Variants in MTFR1 observed in about 807,000 individuals in gnomAD.
MTFR1 encodes chondrocyte protein with a poly-proline region.
In MTFR1, 28 loss-of-function variants were observed where a neutral mutation model predicts 38.8. The observed-to-expected ratio is 0.72, with a 90% CI of 0.53 to 0.99. The LOEUF (loss-of-function observed/expected upper bound fraction) is 0.99. Ranked by LOEUF, MTFR1 falls within the 50% of genes least tolerant of loss-of-function variation. The probability of loss-of-function intolerance (pLI) is 0.00; values close to 1 mark genes in which losing one functional copy is unlikely to be tolerated. For synonymous variants in MTFR1, 145 were observed against 137.0 expected, an observed-to-expected ratio of 1.06 and a Z score of -0.41; for missense variants, 358 against 395.5, an observed-to-expected ratio of 0.91 and a Z score of 0.81.
intron 3 of MTFR1, among the ~76,000 whole-genome samples, chr8:65,688,368 C>T (rs1046127684): frequency 1.3e-5 from 2 of 151,672 alleles, no homozygotes; most frequent in Admixed American, 1.3e-4. Context: ...CCACTGCACT[C>T]CAGCCTGGGT....
chr8:65,652,103 G>A (rs1486841349), intron 1 of MTFR1, among the ~76,000 whole-genome samples: 1 of 151,792 alleles, frequency 6.6e-6, no homozygotes, highest in Admixed American at 6.6e-5. Flanking sequence ...CACCATGCCT[G>A]GCTAATTTTT....
chr8:65,759,284 A>C (rs568958377), intron 3 of MTFR1, among the ~76,000 whole-genome samples: 1 of 152,328 alleles, frequency 6.6e-6, no homozygotes, highest in South Asian at 2.1e-4. Context: ...TCAGGACAGT[A>C]CTATCTCCTT....
intron 2 of MTFR1, among the ~76,000 whole-genome samples, chr8:65,672,624 C>G (rs1240572569): frequency 6.6e-6 from 1 of 152,134 alleles, no homozygotes; most frequent in African/African-American, 2.4e-5. Flanking sequence ...GATTCTCCTG[C>G]CTCAGCCTCC....
chr8:65,668,201 G>C (rs1356591481), intron 1 of MTFR1, among the ~76,000 whole-genome samples: 1 of 147,530 alleles, frequency 6.8e-6, no homozygotes, highest in Non-Finnish European at 1.5e-5. Flanking sequence ...TTTTTGAGAG[G>C]GAGTCTTGCT....
upstream of MTFR1, among the ~76,000 whole-genome samples, chr8:65,644,358 G>T (rs940660147): frequency 6.6e-6 from 1 of 152,192 alleles, no homozygotes; most frequent in Non-Finnish European, 1.5e-5. Context: ...CTACAGCGTG[G>T]GGTGAAATGG....
chr8:65,738,554 C>T (rs1227879270), intron 3 of MTFR1, among the ~76,000 whole-genome samples: 2 of 152,170 alleles, frequency 1.3e-5, no homozygotes, highest in Admixed American at 6.5e-5. Flanking sequence ...CTCAGCCTCC[C>T]GAGCAGCTGG....
At chr8:65,777,194 C>T in the MTFR1 span, among the ~76,000 whole-genome samples, 4 of 151,124 alleles carry the variant, frequency 2.6e-5, no homozygotes, top group South Asian at 8.3e-4. Flanking sequence ...ATTCTCCTGC[C>T]TCGGCCTCCC....
At chr8:65,734,558 A>C (rs1230982482) in intron 3 of MTFR1, among the ~76,000 whole-genome samples, 1 of 152,124 alleles carries the variant, frequency 6.6e-6, no homozygotes, top group African/African-American at 2.4e-5. Context: ...TCGAGGTTTC[A>C]AGTGACCTGG....
At chr8:65,717,710 A>G (rs1033533335) in intron 2 of MTFR1, 4 of 152,248 alleles carry the variant, frequency 2.6e-5, no homozygotes, top group African/African-American at 7.2e-5. Context: ...TTATTCATCA[A>G]AAGTTAACAG....
At chr8:65,690,198 T>C (rs1156986324) in intron 3 of MTFR1, among the ~76,000 whole-genome samples, 2 of 152,216 alleles carry the variant, frequency 1.3e-5, no homozygotes, top group Non-Finnish European at 2.9e-5. Context: ...TATGATATCC[T>C]GAAAATGAGT....
rs141779787 is a variant in MTFR1, at chr8:65,667,276, C to CA, written c.-80-2585dup. On this transcript the variant is annotated intron_variant, in intron 1 of 7. Coordinates refer to ENST00000262146, the MANE Select transcript of MTFR1 (RefSeq NM_014637.4). ...GGGTGACAAGAGTGAAACTCCGTCT[C>CA]AAAAAAAAAAAAGGAAAGTTAGAAC... is the stretch of plus-strand genomic sequence containing the variant. Among the ~76,000 whole-genome samples the CA allele has an allele frequency of 4.6e-3, 544 of 117,888 alleles. 4 individuals carry two copies. Among genetic ancestry groups the CA allele is most frequent in the African/African-American group, 0.014 (438 of 30,886 alleles). The allele number at this position is 117,888 out of a possible 152,430, so 77.3% of individuals were successfully genotyped here.
chr8:65,646,025 G>C (rs187571008), intron 1 of MTFR1, among the ~76,000 whole-genome samples: 38 of 152,256 alleles, frequency 2.5e-4, no homozygotes, highest in East Asian at 2.1e-3. Context: ...AACTGCTACA[G>C]TGCAGTTTCA....
At chr8:65,740,979 T>C (rs1807402454) in intron 3 of MTFR1, among the ~76,000 whole-genome samples, 2 of 152,290 alleles carry the variant, frequency 1.3e-5, no homozygotes, top group South Asian at 4.1e-4. Context: ...ACTGTTTTCG[T>C]CCTCAACGTC....
At chr8:65,745,602 T>G (rs1807638765) in intron 3 of MTFR1, 6 of 601,358 alleles carry the variant, frequency 1.0e-5, no homozygotes, top group Admixed American at 6.4e-5. Context: ...ATCATTTTTC[T>G]TTTAATCATG....
downstream of MTFR1, among the ~76,000 whole-genome samples, chr8:65,771,433 TG>T (rs1809078341): frequency 6.6e-6 from 1 of 152,186 alleles, no homozygotes; most frequent in Non-Finnish European, 1.5e-5. Flanking sequence ...TAAAAAATTA[TG>T]AATAGTTTTA....
intron 3 of MTFR1, chr8:65,689,465 G>A: frequency 3.8e-6 from 2 of 530,156 alleles, no homozygotes; most frequent in Non-Finnish European, 2.9e-6. Flanking sequence ...TGAATTTTGG[G>A]TAATTTAGTG....
intron 3 of MTFR1, among the ~76,000 whole-genome samples, chr8:65,735,699 C>G (rs1240367515): frequency 6.6e-6 from 1 of 152,208 alleles, no homozygotes; most frequent in Non-Finnish European, 1.5e-5. Context: ...TCTCAGCTAA[C>G]TGTGCAACGC....
intron 3 of MTFR1, among the ~76,000 whole-genome samples, chr8:65,692,839 A>G (rs1034987494): frequency 6.6e-6 from 1 of 151,484 alleles, no homozygotes; most frequent in Non-Finnish European, 1.5e-5. Flanking sequence ...CAGCTATATA[A>G]TAGCCATTTA....
intron 3 of MTFR1, among the ~76,000 whole-genome samples, chr8:65,759,341 G>A (rs1301041407): frequency 6.6e-6 from 1 of 152,146 alleles, no homozygotes; most frequent in East Asian, 1.9e-4. Context: ...AGGCCAAGAG[G>A]GCCAAATCTT....
Sources: allele counts gnomAD v4.1 joint callset (sites outside exome capture counted in the v4.1 genomes callset), GRCh38; gene constraint gnomAD v4.1.1; transcripts MANE v1.5; gene names NCBI Gene and HGNC (gene_info 2026-07-23, HGNC 2026-07-21).